GRIA1: variants seen among roughly 807,000 people sequenced by gnomAD.
GRIA1 encodes glutamate ionotropic receptor AMPA type subunit 1.
A neutral mutation model predicts 99.2 loss-of-function variants in GRIA1; 31 were observed. That is an observed-to-expected ratio of 0.31 (90% CI 0.23 to 0.42). GRIA1 has a LOEUF of 0.42. Among genes scored for constraint, GRIA1 ranks in the 10% least tolerant of loss-of-function variants. The pLI, the probability that GRIA1 is intolerant of heterozygous loss-of-function variation, is 1.00. For synonymous variants in GRIA1, 438 were observed against 432.4 expected (o/e 1.01, Z -0.16); for missense variants, 782 against 1,157.5 (o/e 0.68, Z 4.71).
chr5:153,710,662 A>C (rs1759249939), intron 11 of GRIA1, among the ~76,000 whole-genome samples: 2 of 152,240 alleles, frequency 1.3e-5, no homozygotes, highest in African/African-American at 2.4e-5. Context: ...GGTCAAGATC[A>C]TTCATTTATT....
chr5:153,762,524 C>A (rs2149605612), intron 11 of GRIA1, among the ~76,000 whole-genome samples: 1 of 152,204 alleles, frequency 6.6e-6, no homozygotes, highest in East Asian at 1.9e-4. Flanking sequence ...GTGATTTTGC[C>A]CCTTTGTAAC....
intron 2 of GRIA1, among the ~76,000 whole-genome samples, chr5:153,506,157 G>A (rs925094191): frequency 1.2e-4 from 19 of 152,182 alleles, no homozygotes; most frequent in Non-Finnish European, 2.5e-4. Context: ...TTGCTGCCAA[G>A]ACTAGATGGT....
rs1167871429 is a variant in GRIA1 at position 153,794,651 on chromosome 5, G to T, written c.2301G>T (p.Leu767=). 1 of 1,613,414 alleles carries T rather than the reference G, an allele frequency of 6.2e-7. No homozygotes were observed. The highest frequency in any genetic ancestry group is 8.5e-7 in the Non-Finnish European group (1 of 1,179,480). ...RNPVNLAVLK[L]NEQGLLDKLK... is the part of the protein sequence containing the mutation. ...CAGTAAACCTGGCAGTGTTAAAACTGAACGAGCAGGGGCTTTTGGACAAAT... is the reference window on the plus strand; with the variant it reads ...CAGTAAACCTGGCAGTGTTAAAACTTAACGAGCAGGGGCTTTTGGACAAAT... The change falls in exon 14 of 16, where the codon CTG becomes CTT. Residue 767 remains leucine, a synonymous_variant. Coordinates refer to ENST00000285900, the MANE Select transcript of GRIA1 (RefSeq NM_000827.4).
At chr5:153,713,033 C>T (rs1443762195) in intron 11 of GRIA1, among the ~76,000 whole-genome samples, 3 of 152,170 alleles carry the variant, frequency 2.0e-5, no homozygotes, top group African/African-American at 7.2e-5. Flanking sequence ...CTTAAAAGTA[C>T]AGAAAGCAAG....
intron 11 of GRIA1, among the ~76,000 whole-genome samples, chr5:153,745,771 A>ATACT (rs1554122776): frequency 6.6e-6 from 1 of 152,190 alleles, no homozygotes. Flanking sequence ...CTTGGTTTAC[A>ATACT]TACTTCCAGA....
At chr5:153,758,242 A>G (rs1009544584) in intron 11 of GRIA1, among the ~76,000 whole-genome samples, 8 of 152,202 alleles carry the variant, frequency 5.3e-5, no homozygotes, top group East Asian at 3.9e-4. Flanking sequence ...AAATTATCCA[A>G]TTAAAAGACA....
At chr5:153,515,503 A>G (rs1756528963) in intron 2 of GRIA1, among the ~76,000 whole-genome samples, 1 of 152,186 alleles carries the variant, frequency 6.6e-6, no homozygotes, top group South Asian at 2.1e-4. Flanking sequence ...CAAAGGGCAC[A>G]AGGTTTCAGT....
At chr5:153,613,397 C>T (rs762691246) in intron 2 of GRIA1, among the ~76,000 whole-genome samples, 4 of 152,172 alleles carry the variant, frequency 2.6e-5, no homozygotes, top group Non-Finnish European at 5.9e-5. Context: ...GGTTTGGGTT[C>T]CTGCCAAATC....
intron 2 of GRIA1, among the ~76,000 whole-genome samples, chr5:153,502,724 G>A (rs918380764): frequency 6.6e-6 from 1 of 152,160 alleles, no homozygotes; most frequent in African/African-American, 2.4e-5. Flanking sequence ...GGGCAAATGA[G>A]GCAGTTGGAG....
At position 153,658,539 on chromosome 5, in the gene GRIA1, G is replaced by C. The variant is rs552682432; in HGVS notation, c.699+2667G>C. On this transcript the variant is annotated intron_variant, in intron 5 of 15. Transcript: ENST00000285900. ...TTTCGATAGATTAGTTGATAATTAG[G>C]CTTCAAATTACTAATTAATTCAGTT... Among the ~76,000 whole-genome samples, 8 of 152,260 alleles carry C rather than the reference G, an allele frequency of 5.3e-5. No individual in the cohort carries two copies. The South Asian group carries it at 1.0e-3, about 20-fold the overall frequency.
At chr5:153,697,829 T>C (rs1445680068) in intron 8 of GRIA1, among the ~76,000 whole-genome samples, 1 of 152,158 alleles carries the variant, frequency 6.6e-6, no homozygotes, top group East Asian at 1.9e-4. Flanking sequence ...ACTGAACCAA[T>C]TATTGTGGGG....
At chr5:153,786,050 C>T (rs754062972) in intron 13 of GRIA1, among the ~76,000 whole-genome samples, 10 of 152,170 alleles carry the variant, frequency 6.6e-5, no homozygotes, top group Admixed American at 2.0e-4. Flanking sequence ...AATTTTCAAC[C>T]TTGTCTCTTC....
intron 10 of GRIA1, among the ~76,000 whole-genome samples, chr5:153,704,766 C>T (rs1169533370): frequency 1.3e-5 from 2 of 152,128 alleles, no homozygotes; most frequent in Non-Finnish European, 2.9e-5. Flanking sequence ...GATGCAGTCC[C>T]CTATCTCCGC....
intron 2 of GRIA1, among the ~76,000 whole-genome samples, chr5:153,576,746 A>G (rs1208244899): frequency 2.6e-5 from 4 of 152,228 alleles, no homozygotes; most frequent in Non-Finnish European, 5.9e-5. Context: ...AGTTATACTA[A>G]TGATCATAAT....
chr5:153,653,442 T>C lies in GRIA1; in HGVS notation c.646-2377T>C, dbSNP rs1333325148. On this transcript the variant is annotated intron_variant, in intron 4 of 15. Coordinates refer to ENST00000285900, the MANE Select transcript of GRIA1 (RefSeq NM_000827.4). ...TCCTTGGAAACCATTAGAAAGAGTT[T>C]AGGGTTTATTCTGTAAACAATGGGG... Among the ~76,000 whole-genome samples, 4 of 152,322 alleles carry C rather than the reference T, an allele frequency of 2.6e-5. No homozygotes were observed. In the South Asian group the frequency reaches 6.2e-4, roughly 24 times the overall value.
At chr5:153,632,629 G>A (rs1753060529) in intron 2 of GRIA1, among the ~76,000 whole-genome samples, 1 of 152,106 alleles carries the variant, frequency 6.6e-6, no homozygotes, top group South Asian at 2.1e-4. Flanking sequence ...TCCTTCACTT[G>A]ATCCTCACGG....
At chr5:153,599,903 A>T (rs968982325) in intron 2 of GRIA1, among the ~76,000 whole-genome samples, 3 of 152,192 alleles carry the variant, frequency 2.0e-5, no homozygotes, top group African/African-American at 7.2e-5. Context: ...GAGAAATAGC[A>T]TAAGTAAAAG....
intron 2 of GRIA1, among the ~76,000 whole-genome samples, chr5:153,555,910 G>A (rs569112761): frequency 3.3e-5 from 5 of 152,358 alleles, no homozygotes; most frequent in East Asian, 3.9e-4. Flanking sequence ...TTGTGATACA[G>A]AAAGTGAAAG....
At chr5:153,739,523 C>A (rs1452987387) in intron 11 of GRIA1, among the ~76,000 whole-genome samples, 1 of 152,218 alleles carries the variant, frequency 6.6e-6, no homozygotes, top group Admixed American at 6.5e-5. Context: ...AGGCTCCCAT[C>A]TGCGCCAGGG....
Sources: gnomAD v4.1 joint callset for allele counts (sites outside exome capture counted in the v4.1 genomes callset) on GRCh38, gnomAD v4.1.1 for gene constraint, MANE v1.5 for transcripts, NCBI Gene and HGNC (gene_info 2026-07-23, HGNC 2026-07-21) for gene names.